ZNF773: variants seen among roughly 807,000 people sequenced by gnomAD.
The protein encoded by ZNF773 is zinc finger protein 419B.
Under a neutral mutation model 12.8 loss-of-function variants are expected in ZNF773, and 11 were observed. The observed-to-expected ratio is 0.86, with a 90% CI of 0.54 to 1.42. The LOEUF (loss-of-function observed/expected upper bound fraction) is 1.42, where lower values mean the gene tolerates loss of function less well. Ranked by LOEUF, ZNF773 falls within the 40% of genes most tolerant of loss-of-function variation. ZNF773 has a pLI of 0.00. For missense variants in ZNF773, 518 were observed against 527.2 expected, an observed-to-expected ratio of 0.98 and a Z score of 0.17; for synonymous variants, 175 against 178.4, an observed-to-expected ratio of 0.98 and a Z score of 0.15.
downstream of ZNF773, chr19:57,513,173 T>A: frequency 7.9e-7 from 1 of 1,257,882 alleles, no homozygotes; most frequent in Non-Finnish European, 1.0e-6. Context: ...AAAGAGGTAC[T>A]GGGAGTGGGA....
downstream of ZNF773, chr19:57,512,887 G>T: frequency 1.0e-6 from 1 of 960,510 alleles, no homozygotes; most frequent in Non-Finnish European, 1.4e-6. Context: ...CTTCCTCTCT[G>T]TGGATTCTAC....
At chr19:57,513,224 T>C (rs2089810532), downstream of ZNF773, 1 of 750,962 alleles carries the variant, frequency 1.3e-6, no homozygotes, top group Non-Finnish European at 1.9e-6. Flanking sequence ...ATTTGTCTGC[T>C]GAAGAGCAAC....
chr19:57,505,428 T>C (rs2089718811), intron 3 of ZNF773, 28 bp downstream of exon 3: 2 of 1,612,686 alleles, frequency 1.2e-6, no homozygotes, highest in Middle Eastern at 1.6e-4. Context: ...CTCAGGGAGG[T>C]ATGAACTCGG....
At chr19:57,509,809 C>A (rs950752863), downstream of ZNF773, among the ~76,000 whole-genome samples, 7 of 152,080 alleles carry the variant, frequency 4.6e-5, no homozygotes, top group African/African-American at 1.7e-4. Flanking sequence ...ACTGAGATTC[C>A]TTTTTCTTGA....
intron 1 of ZNF773, among the ~76,000 whole-genome samples, chr19:57,503,743 C>T (rs111880902): frequency 1.3e-5 from 2 of 151,350 alleles, no homozygotes; most frequent in African/African-American, 4.9e-5. Flanking sequence ...CGGCAACCTC[C>T]ACCTCCCGGG....
At chr19:57,510,899 GT>G (rs1348643055), downstream of ZNF773, among the ~76,000 whole-genome samples, 2 of 143,782 alleles carry the variant, frequency 1.4e-5, no homozygotes, top group Non-Finnish European at 3.1e-5. Context: ...TAAGTTGTCA[GT>G]TTTCCTTTAA....
chr19:57,512,083 G>T (rs1239526089), downstream of ZNF773, among the ~76,000 whole-genome samples: 1 of 152,142 alleles, frequency 6.6e-6, no homozygotes, highest in Non-Finnish European at 1.5e-5. Flanking sequence ...TGACTGTGTT[G>T]GTGGTTTCAT....
Position 57,507,269 on chromosome 19 carries a change from T to G in ZNF773, c.1174T>G (p.Cys392Gly). Residue 392 changes from cysteine (C) to glycine (G), a missense_variant, in exon 4 of 4, where the codon TGT (cysteine) becomes GGT (glycine). By Grantham distance (159) the Cys-to-Gly change is radical (BLOSUM62 -3). Transcript: ENST00000282292. ...AGAAAAACCTTTTAAGTGCAATGAA[T>G]GTGGGAGATTCTTTAGTGAGAATTC... ...TGEKPFKCNE[C>G]GRFFSENSSL... 3 of 1,611,314 alleles carry G rather than the reference T, an allele frequency of 1.9e-6. No individual in the cohort carries two copies. Among genetic ancestry groups the G allele is most frequent in the Non-Finnish European group, 2.5e-6 (3 of 1,178,076 alleles).
At chr19:57,500,314 C>T (rs1453185948) in intron 1 of ZNF773, among the ~76,000 whole-genome samples, 1 of 151,948 alleles carries the variant, frequency 6.6e-6, no homozygotes, top group Non-Finnish European at 1.5e-5. Context: ...GAACCTGAGG[C>T]CTCCTGGTGT....
downstream of ZNF773, chr19:57,516,954 T>G (rs919092683): frequency 5.3e-5 from 8 of 152,254 alleles, no homozygotes; most frequent in South Asian, 1.4e-3. Flanking sequence ...TGGCACAGAA[T>G]GGGCTTTAGC....
rs1181888526 is a variant in ZNF773, at chr19:57,504,599, G to A, written c.34-58G>A. 9.2e-5 allele frequency: 148 copies of A among 1,603,246 alleles called. 1 individual carries two copies. Among genetic ancestry groups the A allele is most frequent in the African/African-American group, 2.7e-4 (20 of 74,752 alleles). On this transcript the variant is annotated intron_variant, in intron 1 of 3. Coordinates refer to ENST00000282292, the MANE Select transcript of ZNF773 (RefSeq NM_198542.3). ...GGTGAGCAGGGGTGGATGTTTAGGG[G>A]GATGCCTAAATTCCCCAGTAAGGAG...
At chr19:57,512,913 G>T, downstream of ZNF773, 1 of 1,222,894 alleles carries the variant, frequency 8.2e-7, no homozygotes, top group Non-Finnish European at 1.1e-6. Context: ...AAATACAAAG[G>T]GCTGTAGAAG....
chr19:57,517,323 C>T (rs2089837972), downstream of ZNF773: 1 of 152,180 alleles, frequency 6.6e-6, no homozygotes, highest in African/African-American at 2.4e-5. Context: ...TTATAGATTC[C>T]TGTAAATCTG....
chr19:57,513,323 C>T, downstream of ZNF773: 1 of 319,924 alleles, frequency 3.1e-6, no homozygotes, highest in South Asian at 1.5e-4. Flanking sequence ...AGGAGGTTAT[C>T]ACGCATAACC....
chr19:57,507,672 A>T lies in ZNF773; in HGVS notation c.*248A>T. On this transcript the variant is annotated 3_prime_UTR_variant, in exon 4 of 4. Transcript: ENST00000282292. ...CTTAGACTGTCGCTGAATCAATATGACCTGACTTAAAGCAGAAACAGCCAG... is the reference window on the plus strand; with the variant it reads ...CTTAGACTGTCGCTGAATCAATATGTCCTGACTTAAAGCAGAAACAGCCAG... The T allele has an allele frequency of 3.1e-6, 4 of 1,299,462 alleles. No homozygotes were observed. Among genetic ancestry groups the T allele is most frequent in the Non-Finnish European group, 3.9e-6 (4 of 1,029,184 alleles). 80.5% of individuals were successfully genotyped at this position (1,299,462 alleles called of 1,614,324 possible). A position where few individuals can be genotyped will look rare whatever the true frequency, so the allele number is the denominator to read the frequency against.
chr19:57,510,260 C>G (rs2089784458), downstream of ZNF773, among the ~76,000 whole-genome samples: 1 of 152,172 alleles, frequency 6.6e-6, no homozygotes, highest in Non-Finnish European at 1.5e-5. Flanking sequence ...AATTCAAACT[C>G]TTTGTTAATC....
Position 57,506,642 on chromosome 19 carries a change from G to A in ZNF773, c.547G>A (p.Ala183Thr). Reference sequence around the variant, plus strand: ...ACATAGGAGCTCCAAAAGTAGGGAGGCCTTTCATGCTGGAAAAAGGCATTA... The same window carrying A: ...ACATAGGAGCTCCAAAAGTAGGGAGACCTTTCATGCTGGAAAAAGGCATTA... ...KSHRSSKSRE[A>T]FHAGKRHYKC... Residue 183 changes from alanine (A) to threonine (T), a missense_variant, in exon 4 of 4, where the codon GCC (alanine) becomes ACC (threonine). By Grantham distance (58) the Ala-to-Thr change is moderately conservative. Transcript: ENST00000282292. 1 of 1,614,220 alleles carries A rather than the reference G, an allele frequency of 6.2e-7. No individual in the cohort carries two copies. Among genetic ancestry groups the A allele is most frequent in the Non-Finnish European group, 8.5e-7 (1 of 1,180,042 alleles).
chr19:57,514,998 CCT>C (rs2089823094), downstream of ZNF773: 1 of 152,192 alleles, frequency 6.6e-6, no homozygotes, highest in South Asian at 2.1e-4. Context: ...ACAATAAAGA[CCT>C]CTGGAGTTTC....
rs2089749875 is a variant in ZNF773 at position 57,507,223 on chromosome 19, A to G, written c.1128A>G (p.Gln376=). The G allele has an allele frequency of 1.9e-6, 3 of 1,611,240 alleles. No individual in the cohort carries two copies. Among genetic ancestry groups the G allele is most frequent in the Non-Finnish European group, 2.5e-6 (3 of 1,178,010 alleles). Residue 376 remains glutamine, a synonymous_variant, in exon 4 of 4, where the codon CAA becomes CAG. Transcript: ENST00000282292. ...TTAGCCAAAGCTCAAGCCTCATGCA[A>G]CATCGAAAAGTTCACACTGGAGAAA... is the stretch of plus-strand genomic sequence containing the variant. ...KFFSQSSSLM[Q]HRKVHTGEKP... is the part of the protein sequence containing the mutation.
Sources: gnomAD v4.1 joint callset for allele counts (sites outside exome capture counted in the v4.1 genomes callset) on GRCh38, gnomAD v4.1.1 for gene constraint, MANE v1.5 for transcripts, NCBI Gene and HGNC (gene_info 2026-07-23, HGNC 2026-07-21) for gene names.